Variants in WDPCP observed in about 807,000 individuals in gnomAD.
WDPCP encodes WD repeat containing planar cell polarity effector, also known as WD repeat-containing and planar cell polarity effector protein fritz homolog.
WDPCP carries 71 observed loss-of-function variants against 93.1 expected under a neutral mutation model. That is an observed-to-expected ratio of 0.76 (90% CI 0.63 to 0.93). WDPCP has a LOEUF of 0.93. Among genes scored for constraint, WDPCP ranks in the 40% least tolerant of loss-of-function variants. WDPCP has a pLI of 0.00. For synonymous variants in WDPCP, 315 were observed against 315.0 expected (o/e 1.00, Z 0.00); for missense variants, 844 against 887.4 (o/e 0.95, Z 0.62).
intron 9 of WDPCP, among the ~76,000 whole-genome samples, chr2:63,431,991 A>G (rs922944135): frequency 3.3e-5 from 5 of 151,964 alleles, no homozygotes; most frequent in East Asian, 1.9e-4. Flanking sequence ...CCAATTGTGG[A>G]AAAAAAAGGA....
chr2:63,307,277 AG>A (rs1383050673), intron 13 of WDPCP, among the ~76,000 whole-genome samples: 8 of 152,268 alleles, frequency 5.3e-5, no homozygotes, highest in Admixed American at 2.6e-4. Context: ...GCTCATGGAT[AG>A]GAAGAATCAA....
At chr2:63,273,633 T>C (rs1423439476) in intron 13 of WDPCP, among the ~76,000 whole-genome samples, 2 of 152,076 alleles carry the variant, frequency 1.3e-5, no homozygotes, top group Non-Finnish European at 2.9e-5. Flanking sequence ...GATAGAAAAA[T>C]ATGTGTTGCA....
intron 6 of WDPCP, among the ~76,000 whole-genome samples, chr2:63,461,905 T>C (rs1699035009): frequency 6.6e-6 from 1 of 152,158 alleles, no homozygotes; most frequent in Non-Finnish European, 1.5e-5. Context: ...ACAAATTTGT[T>C]TTTTAAAAAG....
At chr2:63,341,395 C>T (rs1434054959) in intron 12 of WDPCP, among the ~76,000 whole-genome samples, 3 of 152,220 alleles carry the variant, frequency 2.0e-5, no homozygotes, top group Non-Finnish European at 2.9e-5. Context: ...TCCCAAAGTG[C>T]TGGGATTACA....
chr2:63,141,586 T>C (rs944235829), intron 17 of WDPCP, among the ~76,000 whole-genome samples: 58 of 152,310 alleles, frequency 3.8e-4, no homozygotes, highest in African/African-American at 1.3e-3. Flanking sequence ...TTTTCTTTTT[T>C]GGTTATGTCC....
chr2:63,750,443 A>C (rs1669863075), intron 2 of WDPCP, among the ~76,000 whole-genome samples: 2 of 152,092 alleles, frequency 1.3e-5, no homozygotes, highest in South Asian at 4.1e-4. Flanking sequence ...TAAAAAAAAA[A>C]ACCTGAATAC....
At chr2:63,600,706 T>G (rs1356507215) in intron 3 of WDPCP, among the ~76,000 whole-genome samples, 1 of 152,156 alleles carries the variant, frequency 6.6e-6, no homozygotes, top group Non-Finnish European at 1.5e-5. Flanking sequence ...ACCCTTAAAT[T>G]TTTAGCTTAA....
chr2:63,392,497 C>T (rs4555333), intron 10 of WDPCP, among the ~76,000 whole-genome samples: 85,590 of 151,892 alleles, frequency 0.56, 24,459 homozygotes, highest in Admixed American at 0.64. Context: ...ATGTCTAAAA[C>T]ACCAAAAGCA....
intron 12 of WDPCP, among the ~76,000 whole-genome samples, chr2:63,344,608 T>G (rs1383095744): frequency 1.3e-5 from 2 of 152,192 alleles, no homozygotes; most frequent in Non-Finnish European, 2.9e-5. Flanking sequence ...CCAGGTTTCT[T>G]TGGTCTGTCT....
intron 6 of WDPCP, among the ~76,000 whole-genome samples, chr2:63,457,250 T>A (rs550859646): frequency 6.6e-6 from 1 of 152,192 alleles, no homozygotes; most frequent in African/African-American, 2.4e-5. Flanking sequence ...AATTGCTGAA[T>A]GCATACAACC....
At chr2:63,500,452 G>GC (rs1553412910) in intron 1 of WDPCP, among the ~76,000 whole-genome samples, 1 of 22,314 alleles carries the variant, frequency 4.5e-5, no homozygotes, top group African/African-American at 1.9e-4. Flanking sequence ...AAATGGTGTG[G>GC]GGGTGTGTGT....
intron 6 of WDPCP, chr2:63,443,301 T>G (rs1307661587): frequency 6.6e-6 from 1 of 152,104 alleles, no homozygotes; most frequent in East Asian, 1.9e-4. Flanking sequence ...ATAAGAACTA[T>G]AGAGCAAATT....
At chr2:63,649,004 CT>C (rs1025097353) in intron 3 of WDPCP, among the ~76,000 whole-genome samples, 23 of 152,108 alleles carry the variant, frequency 1.5e-4, no homozygotes, top group African/African-American at 5.1e-4. Context: ...CTTAACACAA[CT>C]TTTTTTTCTT....
intron 2 of WDPCP, among the ~76,000 whole-genome samples, chr2:63,764,151 T>C (rs566854579): frequency 9.2e-5 from 14 of 152,244 alleles, no homozygotes; most frequent in Admixed American, 2.6e-4. Flanking sequence ...TCAAAACACT[T>C]TCATCACCCC....
intron 2 of WDPCP, among the ~76,000 whole-genome samples, chr2:63,760,818 T>C (rs1670046269): frequency 6.6e-6 from 1 of 152,168 alleles, no homozygotes; most frequent in Admixed American, 6.5e-5. Flanking sequence ...GCTTTCCTTG[T>C]GGGGTACATG....
chr2:63,591,929 T>C (rs1709208439), upstream of WDPCP, among the ~76,000 whole-genome samples: 3 of 152,344 alleles, frequency 2.0e-5, no homozygotes, highest in South Asian at 6.2e-4. Context: ...CATTTTACTA[T>C]GGGGAAATAA....
At chr2:63,320,479 C>T (rs558391107) in intron 12 of WDPCP, among the ~76,000 whole-genome samples, 51 of 152,070 alleles carry the variant, frequency 3.4e-4, no homozygotes, top group Non-Finnish European at 6.6e-4. Flanking sequence ...AAAATTATAA[C>T]ATTTTGTGAG....
At chr2:63,225,127 A>G (rs1678174375) in intron 14 of WDPCP, among the ~76,000 whole-genome samples, 1 of 151,854 alleles carries the variant, frequency 6.6e-6, no homozygotes, top group East Asian at 1.9e-4. Flanking sequence ...TACTTTTCAG[A>G]CTTTGGGGTT....
intron 2 of WDPCP, among the ~76,000 whole-genome samples, chr2:63,702,121 G>A (rs1468785093): frequency 6.6e-6 from 1 of 152,096 alleles, no homozygotes; most frequent in African/African-American, 2.4e-5. Flanking sequence ...CGCCTCCTAG[G>A]TTCAAGCGAT....
Sources: gnomAD v4.1 joint callset for allele counts (sites outside exome capture counted in the v4.1 genomes callset) on GRCh38, gnomAD v4.1.1 for gene constraint, MANE v1.5 for transcripts, NCBI Gene and HGNC (gene_info 2026-07-23, HGNC 2026-07-21) for gene names.